The following PCSK2 variants were observed in gnomAD, a reference collection of about 807,000 sequenced individuals.
PCSK2 encodes the protein proprotein convertase subtilisin/kexin type 2.
PCSK2 carries 14 observed loss-of-function variants against 69.7 expected under a neutral mutation model. That is an observed-to-expected ratio of 0.20 (90% confidence interval 0.13 to 0.31). The LOEUF is 0.31. PCSK2 is among the 10% of genes least tolerant of loss of function. The pLI is 1.00. For synonymous variants in PCSK2, 307 were observed against 320.7 expected, an observed-to-expected ratio of 0.96 and a Z score of 0.46; for missense variants, 544 against 842.5, an observed-to-expected ratio of 0.65 and a Z score of 4.39.
chr20:17,426,983 T>C (rs1208799479), intron 6 of PCSK2, among the ~76,000 whole-genome samples: 1 of 152,232 alleles, frequency 6.6e-6, no homozygotes. Context: ...TGCATGTTTC[T>C]AATAGGATTA....
intron 2 of PCSK2, among the ~76,000 whole-genome samples, chr20:17,331,819 A>T (rs1193271710): frequency 1.3e-5 from 2 of 152,140 alleles, no homozygotes; most frequent in African/African-American, 4.8e-5. Context: ...TTATTTGATA[A>T]ATGGTAACTA....
chr20:17,280,337 T>G (rs1159237587), intron 2 of PCSK2, among the ~76,000 whole-genome samples: 1 of 152,252 alleles, frequency 6.6e-6, no homozygotes, highest in Admixed American at 6.5e-5. Flanking sequence ...TTTCACTACA[T>G]AAACAACATT....
intron 2 of PCSK2, among the ~76,000 whole-genome samples, chr20:17,350,505 T>G (rs780374154): frequency 6.6e-6 from 1 of 151,964 alleles, no homozygotes; most frequent in African/African-American, 2.4e-5. Context: ...TGTTTAATTA[T>G]CAGCCCAGCA....
At chr20:17,258,863 C>A (rs1284024177) in intron 1 of PCSK2, among the ~76,000 whole-genome samples, 1 of 150,994 alleles carries the variant, frequency 6.6e-6, no homozygotes, top group Non-Finnish European at 1.5e-5. Context: ...TTTGCTCTTA[C>A]AAGTAGGTAG....
intron 1 of PCSK2, among the ~76,000 whole-genome samples, chr20:17,259,975 G>T (rs531700328): frequency 1.1e-4 from 17 of 152,278 alleles, no homozygotes; most frequent in African/African-American, 3.8e-4. Flanking sequence ...CAAAGGATGT[G>T]CAGAAAGTTA....
chr20:17,401,072 T>A (rs1181327286), intron 5 of PCSK2, among the ~76,000 whole-genome samples: 1 of 152,220 alleles, frequency 6.6e-6, no homozygotes, highest in Non-Finnish European at 1.5e-5. Context: ...TTTATTTTGA[T>A]AGATATTGCC....
chr20:17,347,956 GAAAGAGAAAGAAAGA>G (rs1394894899), intron 2 of PCSK2, among the ~76,000 whole-genome samples: 1 of 77,168 alleles, frequency 1.3e-5, no homozygotes. Flanking sequence ...AAGAAAGAAA[GAAAGAGAAAGAAAGA>G]AAGAAAGAAA....
At chr20:17,460,269 TAAAAA>T (rs140714994) in intron 10 of PCSK2, among the ~76,000 whole-genome samples, 11 of 149,678 alleles carry the variant, frequency 7.3e-5, no homozygotes, top group Admixed American at 3.3e-4. Context: ...AAGAGAAAAA[TAAAAA>T]AAGAAAGAAA....
At chr20:17,411,890 G>A (rs1273254057) in intron 6 of PCSK2, among the ~76,000 whole-genome samples, 1 of 152,210 alleles carries the variant, frequency 6.6e-6, no homozygotes, top group African/African-American at 2.4e-5. Flanking sequence ...GTGATACCCA[G>A]GCAAACAGGG....
At chr20:17,374,812 G>A (rs548933625) in intron 5 of PCSK2, among the ~76,000 whole-genome samples, 1 of 152,238 alleles carries the variant, frequency 6.6e-6, no homozygotes, top group South Asian at 2.1e-4. Context: ...AGATGAGGTG[G>A]GGAGATAGAA....
At chr20:17,438,799 G>T (rs1482184191) in intron 8 of PCSK2, among the ~76,000 whole-genome samples, 1 of 152,264 alleles carries the variant, frequency 6.6e-6, no homozygotes, top group Non-Finnish European at 1.5e-5. Flanking sequence ...GAGCCTGTTT[G>T]CCTCCAACAG....
At chr20:17,410,217 G>A (rs1247639847) in intron 6 of PCSK2, among the ~76,000 whole-genome samples, 1 of 152,140 alleles carries the variant, frequency 6.6e-6, no homozygotes, top group African/African-American at 2.4e-5. Context: ...GGCTCAGAAG[G>A]GTTGAAGGGC....
intron 4 of PCSK2, among the ~76,000 whole-genome samples, chr20:17,366,120 G>T (rs915129099): frequency 6.6e-6 from 1 of 152,114 alleles, no homozygotes; most frequent in Non-Finnish European, 1.5e-5. Flanking sequence ...TAGGGTTAGG[G>T]TTAAAGAACT....
chr20:17,478,572 TTAG>T (rs1207732774), intron 11 of PCSK2, among the ~76,000 whole-genome samples: 2 of 152,218 alleles, frequency 1.3e-5, no homozygotes, highest in African/African-American at 2.4e-5. Flanking sequence ...TACTATGCTA[TTAG>T]TTGATAGAAA....
chr20:17,346,373 T>A (rs1724332753), intron 2 of PCSK2, among the ~76,000 whole-genome samples: 1 of 151,914 alleles, frequency 6.6e-6, no homozygotes, highest in African/African-American at 2.4e-5. Flanking sequence ...ACAGCTGGAG[T>A]GAAGAGGGAC....
intron 8 of PCSK2, among the ~76,000 whole-genome samples, chr20:17,443,096 T>C (rs6080698): frequency 0.58 from 88,569 of 151,984 alleles, 26,019 homozygotes; most frequent in South Asian, 0.69. Flanking sequence ...ATTCACCACT[T>C]TTACATTAAA....
At chr20:17,293,672 T>A (rs770346788) in intron 2 of PCSK2, among the ~76,000 whole-genome samples, 4 of 152,224 alleles carry the variant, frequency 2.6e-5, no homozygotes, top group Non-Finnish European at 4.4e-5. Flanking sequence ...TAGATTAGAT[T>A]TTACTTTGTC....
intron 6 of PCSK2, among the ~76,000 whole-genome samples, chr20:17,422,412 A>C (rs1207965492): frequency 6.6e-6 from 1 of 152,186 alleles, no homozygotes; most frequent in East Asian, 1.9e-4. Context: ...CAAAAGAATA[A>C]AGGAGTCCTA....
intron 2 of PCSK2, among the ~76,000 whole-genome samples, chr20:17,326,234 A>G (rs1286708495): frequency 2.6e-5 from 4 of 152,256 alleles, no homozygotes; most frequent in African/African-American, 9.6e-5. Context: ...TTAGAGAAGC[A>G]AACAGCCAAA....
Sources: allele counts gnomAD v4.1 joint callset (sites outside exome capture counted in the v4.1 genomes callset), GRCh38; gene constraint gnomAD v4.1.1; transcripts MANE v1.5; gene names NCBI Gene and HGNC (gene_info 2026-07-23, HGNC 2026-07-21).